The following CDYL2 variants were observed in gnomAD, a reference collection of about 807,000 sequenced individuals.
CDYL2 encodes the protein chromodomain Y-like protein 2.
Under a neutral mutation model 49.4 loss-of-function variants are expected in CDYL2, and 23 were observed. That is an observed-to-expected ratio of 0.47 (90% CI 0.34 to 0.66). The LOEUF is 0.66. CDYL2 is among the 30% of genes least tolerant of loss of function. CDYL2 has a pLI of 0.01. For synonymous variants in CDYL2, 360 were observed against 268.8 expected (o/e 1.34, Z -3.32); for missense variants, 678 against 656.4 (o/e 1.03, Z -0.36).
intron 1 of CDYL2, among the ~76,000 whole-genome samples, chr16:80,764,004 C>T (rs756352955): frequency 1.1e-4 from 16 of 151,578 alleles, no homozygotes; most frequent in Admixed American, 2.0e-4. Flanking sequence ...AGGAAAAGCA[C>T]TGGAGAAATT....
intron 1 of CDYL2, among the ~76,000 whole-genome samples, chr16:80,766,564 C>T (rs1280012614): frequency 1.3e-5 from 2 of 152,064 alleles, no homozygotes; most frequent in Non-Finnish European, 2.9e-5. Flanking sequence ...TATAATAACC[C>T]AATCCCAATA....
At chr16:80,754,979 C>T (rs573779046) in intron 1 of CDYL2, among the ~76,000 whole-genome samples, 40 of 151,996 alleles carry the variant, frequency 2.6e-4, no homozygotes, top group African/African-American at 9.7e-4. Context: ...CTTGGGCAGT[C>T]ACCCACCAAC....
chr16:80,643,350 T>G (rs997726776), intron 2 of CDYL2, among the ~76,000 whole-genome samples: 3 of 152,214 alleles, frequency 2.0e-5, no homozygotes, highest in African/African-American at 7.2e-5. Flanking sequence ...GCTGCTTTCA[T>G]GGGTTGGCAT....
At chr16:80,769,337 G>A (rs1183067354) in intron 1 of CDYL2, among the ~76,000 whole-genome samples, 1 of 152,220 alleles carries the variant, frequency 6.6e-6, no homozygotes, top group African/African-American at 2.4e-5. Flanking sequence ...AGGTGATGCT[G>A]AAAGCCAACA....
chr16:80,745,179 A>C (rs7190315), intron 1 of CDYL2, among the ~76,000 whole-genome samples: 127,630 of 152,084 alleles, frequency 0.84, 55,296 homozygotes, highest in South Asian at 0.95. Flanking sequence ...GTTCAAGCAA[A>C]CTGCCCGAGG....
rs566076218 is a variant in CDYL2, at chr16:80,800,078, A to C, written c.24+4072T>G. 2.3e-4 allele frequency among the ~76,000 whole-genome samples: 35 copies of C among 152,330 alleles called. 1 individual carries two copies. In the South Asian group the frequency reaches 7.3e-3, roughly 32 times the overall value. On this transcript the variant is annotated intron_variant, in intron 1 of 6. Transcript: ENST00000570137. ...CAGCAATCAAGGTAAGCACTCTCAC[A>C]GGGAAAGAGAAAGACTTAACAATGT...
intron 1 of CDYL2, among the ~76,000 whole-genome samples, chr16:80,689,274 G>T (rs544360176): frequency 1.3e-5 from 2 of 152,208 alleles, no homozygotes; most frequent in African/African-American, 4.8e-5. Flanking sequence ...AAATGCTGAT[G>T]CTATTATTAC....
intron 2 of CDYL2, among the ~76,000 whole-genome samples, chr16:80,681,436 C>G (rs1022647910): frequency 2.0e-5 from 3 of 152,168 alleles, no homozygotes; most frequent in African/African-American, 7.2e-5. Context: ...GCTGAAAACA[C>G]ACATGGAAAC....
chr16:80,751,277 T>G (rs1906128179), intron 1 of CDYL2, among the ~76,000 whole-genome samples: 1 of 152,234 alleles, frequency 6.6e-6, no homozygotes, highest in Non-Finnish European at 1.5e-5. Context: ...TCATCTGTTC[T>G]AAGACATTCA....
At chr16:80,705,321 C>A (rs1453205486) in intron 1 of CDYL2, among the ~76,000 whole-genome samples, 1 of 152,232 alleles carries the variant, frequency 6.6e-6, no homozygotes, top group Non-Finnish European at 1.5e-5. Context: ...CCTGTCTTCA[C>A]TCTGGCCAAA....
intron 2 of CDYL2, among the ~76,000 whole-genome samples, chr16:80,650,531 T>C (rs540251511): frequency 6.6e-6 from 1 of 152,284 alleles, no homozygotes; most frequent in East Asian, 1.9e-4. Context: ...GAATGTAAAT[T>C]AGTACAACCA....
intron 3 of CDYL2, among the ~76,000 whole-genome samples, chr16:80,626,681 G>C (rs1056100826): frequency 3.3e-5 from 5 of 152,190 alleles, no homozygotes; most frequent in African/African-American, 1.2e-4. Flanking sequence ...GAGGCTAACA[G>C]AAGAGATGAT....
intron 1 of CDYL2, among the ~76,000 whole-genome samples, chr16:80,697,168 C>G (rs1055750427): frequency 2.0e-5 from 3 of 152,128 alleles, no homozygotes; most frequent in African/African-American, 7.2e-5. Flanking sequence ...ATGCAAAAAT[C>G]CTCAACAAAG....
At chr16:80,697,048 G>C (rs957695095) in intron 1 of CDYL2, among the ~76,000 whole-genome samples, 1 of 152,094 alleles carries the variant, frequency 6.6e-6, no homozygotes, top group Non-Finnish European at 1.5e-5. Flanking sequence ...AACTGAAGGG[G>C]AGGGAATTAT....
At chr16:80,692,035 A>G (rs1910436924) in intron 1 of CDYL2, among the ~76,000 whole-genome samples, 1 of 152,196 alleles carries the variant, frequency 6.6e-6, no homozygotes, top group African/African-American at 2.4e-5. Context: ...AGAAAGCACT[A>G]AGGAAAATGA....
intron 2 of CDYL2, among the ~76,000 whole-genome samples, chr16:80,673,046 G>A (rs1248117793): frequency 6.6e-6 from 1 of 152,178 alleles, no homozygotes; most frequent in Non-Finnish European, 1.5e-5. Flanking sequence ...GGCCGGGCGT[G>A]GTGGCTCATG....
In CDYL2 at chr16:80,804,265, G is replaced by A; in HGVS notation, c.-92C>T. On this transcript the variant is annotated 5_prime_UTR_variant, in exon 1 of 7. Coordinates refer to ENST00000570137, the MANE Select transcript of CDYL2 (RefSeq NM_152342.4). ...CGCGGGGTCCGGTGTGCGCGTGTGT[G>A]TGCGCGCGTGTGTGTGCGAGTGTGT... 1 of 1,154,422 alleles carries A rather than the reference G, an allele frequency of 8.7e-7. No homozygotes were observed. Among genetic ancestry groups the A allele is most frequent in the Non-Finnish European group, 1.1e-6 (1 of 873,890 alleles). The allele number at this position is 1,154,422 out of a possible 1,614,324, so 71.5% of individuals were successfully genotyped here.
At chr16:80,704,028 TGGGA>T (rs750931519) in intron 1 of CDYL2, among the ~76,000 whole-genome samples, 11 of 152,162 alleles carry the variant, frequency 7.2e-5, no homozygotes, top group Non-Finnish European at 1.5e-4. Flanking sequence ...GCTGGAAGAT[TGGGA>T]GGTGAAGGTG....
chr16:80,679,197 T>C (rs1047912350), intron 2 of CDYL2, among the ~76,000 whole-genome samples: 1 of 151,830 alleles, frequency 6.6e-6, no homozygotes, highest in Non-Finnish European at 1.5e-5. Flanking sequence ...TGCCAGCATG[T>C]CACATGTATA....
Sources: gnomAD v4.1 joint callset for allele counts (sites outside exome capture counted in the v4.1 genomes callset) on GRCh38, gnomAD v4.1.1 for gene constraint, MANE v1.5 for transcripts, NCBI Gene and HGNC (gene_info 2026-07-23, HGNC 2026-07-21) for gene names.